Variants in SENP6 observed in about 807,000 individuals in gnomAD.
The protein encoded by SENP6 is SUMO specific peptidase 6.
In SENP6, 41 loss-of-function variants were observed where a neutral mutation model predicts 134.5. The ratio of observed to expected loss-of-function variants is 0.30; its 90% CI spans 0.24 to 0.40. The LOEUF (loss-of-function observed/expected upper bound fraction) is 0.40, where lower values mean the gene tolerates loss of function less well. SENP6 is among the 10% of genes least tolerant of loss of function. The probability of loss-of-function intolerance (pLI) is 1.00; values close to 1 mark genes in which losing one functional copy is unlikely to be tolerated. For synonymous variants in SENP6, 395 were observed against 429.8 expected (o/e 0.92, Z 1.00); for missense variants, 1,248 against 1,312.5 (o/e 0.95, Z 0.76).
chr6:75,709,147 A>G (rs1490372073), intron 19 of SENP6, among the ~76,000 whole-genome samples: 1 of 152,052 alleles, frequency 6.6e-6, no homozygotes. Context: ...TGTTTCTGTT[A>G]TTGGACATAG....
intron 7 of SENP6, among the ~76,000 whole-genome samples, chr6:75,649,516 G>T (rs938556783): frequency 2.8e-4 from 42 of 152,140 alleles, no homozygotes; most frequent in African/African-American, 9.9e-4. Flanking sequence ...TTGTTTGTTT[G>T]TTTGTTGTTG....
At chr6:75,635,389 A>G (rs1029703345) in intron 5 of SENP6, among the ~76,000 whole-genome samples, 2 of 152,190 alleles carry the variant, frequency 1.3e-5, no homozygotes, top group Non-Finnish European at 2.9e-5. Context: ...AGAGTTAAAT[A>G]AATAATTTGT....
At chr6:75,699,627 A>G (rs1315500194) in intron 18 of SENP6, among the ~76,000 whole-genome samples, 2 of 151,892 alleles carry the variant, frequency 1.3e-5, no homozygotes, top group Non-Finnish European at 2.9e-5. Context: ...AGCTGGGACT[A>G]TAGGTGCATG....
chr6:75,605,460 T>A (rs1263616362), intron 1 of SENP6, among the ~76,000 whole-genome samples: 1 of 152,204 alleles, frequency 6.6e-6, no homozygotes, highest in Non-Finnish European at 1.5e-5. Flanking sequence ...ATAAACCAGA[T>A]GATAAACAGT....
chr6:75,689,872 C>A (rs116564736), intron 16 of SENP6, among the ~76,000 whole-genome samples: 3,003 of 150,576 alleles, frequency 0.02, 108 homozygotes, highest in African/African-American at 0.071. Context: ...CAGAACATAA[C>A]CCCATTCTTA....
At chr6:75,712,422 G>A (rs774017683) in intron 21 of SENP6, among the ~76,000 whole-genome samples, 1 of 151,998 alleles carries the variant, frequency 6.6e-6, no homozygotes. Context: ...GTCACACTTT[G>A]TGCTAGCACT....
chr6:75,632,395 C>T (rs1769180827), intron 3 of SENP6, among the ~76,000 whole-genome samples: 1 of 152,096 alleles, frequency 6.6e-6, no homozygotes. Context: ...CTAGGCTTGC[C>T]AATAACTGTC....
chr6:75,677,493 A>T, intron 14 of SENP6: 1 of 340,478 alleles, frequency 2.9e-6, no homozygotes, highest in Non-Finnish European at 5.4e-6. Context: ...TTCTATCCTT[A>T]TCTTTACTTT....
chr6:75,702,589 CA>C (rs778497138), intron 18 of SENP6, 55 bp from the exon 19 acceptor site: 73 of 1,428,448 alleles, frequency 5.1e-5, no homozygotes, highest in Non-Finnish European at 6.7e-5. Flanking sequence ...TATGTATTGC[CA>C]AATATAATAA....
At chr6:75,702,164 A>G (rs1324147017) in intron 18 of SENP6, among the ~76,000 whole-genome samples, 1 of 151,854 alleles carries the variant, frequency 6.6e-6, no homozygotes, top group East Asian at 1.9e-4. Context: ...CTGTTACTGA[A>G]TCAGTGATTA....
chr6:75,699,037 AAAG>A (rs990499889), intron 18 of SENP6, among the ~76,000 whole-genome samples: 2 of 152,084 alleles, frequency 1.3e-5, no homozygotes, highest in Non-Finnish European at 2.9e-5. Context: ...AAAGAAAAAA[AAAG>A]ACAGAAAAGA....
chr6:75,648,337 T>C (rs1388498778), intron 7 of SENP6, among the ~76,000 whole-genome samples: 3 of 152,140 alleles, frequency 2.0e-5, no homozygotes, highest in Admixed American at 6.5e-5. Flanking sequence ...ATAAAAAATA[T>C]ATCATCATAA....
intron 3 of SENP6, among the ~76,000 whole-genome samples, chr6:75,628,139 G>T (rs1451952430): frequency 6.6e-6 from 1 of 152,030 alleles, no homozygotes. Flanking sequence ...AGTATACATG[G>T]ACCATCTCTT....
intron 9 of SENP6, among the ~76,000 whole-genome samples, chr6:75,666,206 A>T (rs1277256198): frequency 7.6e-6 from 1 of 131,138 alleles, no homozygotes; most frequent in East Asian, 2.0e-4. Context: ...CGTATATATG[A>T]TATATATAAG....
rs752762685 is a variant in SENP6 at position 75,703,006 on chromosome 6, G to A, written c.2650G>A (p.Val884Ile). Residue 884 changes from valine (V) to isoleucine (I), a missense_variant, in exon 19 of 24, where the codon GTT becomes ATT. Val to Ile is a conservative substitution (Grantham distance 29). Coordinates refer to ENST00000447266, the MANE Select transcript of SENP6 (RefSeq NM_015571.4). ...TAAAGGAGAATCTACATCCCAGAAA[G>A]TTGCTGATAGGACTAAAAGTGAGAA... Reference protein sequence around the residue: ...FNKGESTSQKVADRTKSENGL... With the variant: ...FNKGESTSQKIADRTKSENGL... 3 of 1,613,876 alleles carry A rather than the reference G, an allele frequency of 1.9e-6. No individual in the cohort carries two copies. The highest frequency in any genetic ancestry group is 2.5e-6 in the Non-Finnish European group (3 of 1,179,928).
At chr6:75,642,714 A>C (rs528977993) in intron 6 of SENP6, among the ~76,000 whole-genome samples, 3 of 152,368 alleles carry the variant, frequency 2.0e-5, no homozygotes, top group Non-Finnish European at 4.4e-5. Context: ...TTGTTACCTG[A>C]TAAATATTTG....
chr6:75,708,153 G>A (rs1775528770), intron 19 of SENP6, among the ~76,000 whole-genome samples: 1 of 152,100 alleles, frequency 6.6e-6, no homozygotes, highest in Admixed American at 6.6e-5. Flanking sequence ...TCTGTTGCCT[G>A]GGTTCAAGCA....
At chr6:75,642,710 C>T (rs561484365) in intron 6 of SENP6, among the ~76,000 whole-genome samples, 11 of 152,282 alleles carry the variant, frequency 7.2e-5, no homozygotes, top group Non-Finnish European at 1.6e-4. Context: ...AGTATTGTTA[C>T]CTGATAAATA....
At position 75,713,540 on chromosome 6, in the gene SENP6, C is replaced by T. The variant is rs374400367; in HGVS notation, c.2937C>T (p.Leu979=). The change falls in exon 22 of 24, where the codon CTC becomes CTT. Residue 979 remains leucine (L), a synonymous_variant. Transcript: ENST00000447266. ...CTTGTATCCTACTTATGGACTCACTCCGAGGCCCTTCTCGGTCAAATGTTG... is the reference window on the plus strand; with the variant it reads ...CTTGTATCCTACTTATGGACTCACTTCGAGGCCCTTCTCGGTCAAATGTTG... ...KQPCILLMDS[L]RGPSRSNVVK... is the part of the protein sequence containing the mutation. 2.8e-5 allele frequency: 45 copies of T among 1,613,640 alleles called. No homozygotes were observed. The highest frequency in any genetic ancestry group is 5.0e-5 in the Admixed American group (3 of 59,968).
Sources: allele counts gnomAD v4.1 joint callset (sites outside exome capture counted in the v4.1 genomes callset), GRCh38; gene constraint gnomAD v4.1.1; transcripts MANE v1.5; gene names NCBI Gene and HGNC (gene_info 2026-07-23, HGNC 2026-07-21).